ANKS1B: variants seen among roughly 807,000 people sequenced by gnomAD.
ANKS1B encodes ankyrin repeat and sterile alpha motif domain containing 1B.
In ANKS1B, 36 loss-of-function variants were observed where a neutral mutation model predicts 148.3. That is an observed-to-expected ratio of 0.24 (90% CI 0.19 to 0.32). ANKS1B has a LOEUF of 0.32. Ranked by LOEUF, ANKS1B falls within the 10% of genes least tolerant of loss-of-function variation. The pLI is 1.00. For synonymous variants in ANKS1B, 542 were observed against 560.8 expected (o/e 0.97, Z 0.47); for missense variants, 1,157 against 1,542.6 (o/e 0.75, Z 4.19).
chr12:99,702,270 T>C (rs570326931), intron 8 of ANKS1B, among the ~76,000 whole-genome samples: 91 of 152,304 alleles, frequency 6.0e-4, no homozygotes, highest in Non-Finnish European at 8.8e-4. Context: ...GCGGATTTAT[T>C]TGCATTTATC....
At chr12:99,059,085 G>T (rs1183896716) in intron 16 of ANKS1B, among the ~76,000 whole-genome samples, 1 of 152,110 alleles carries the variant, frequency 6.6e-6, no homozygotes, top group Non-Finnish European at 1.5e-5. Context: ...CCTCCTGTGT[G>T]AATCTTTCTC....
intron 1 of ANKS1B, among the ~76,000 whole-genome samples, chr12:99,840,756 T>C (rs1326771575): frequency 6.6e-6 from 1 of 152,168 alleles, no homozygotes; most frequent in African/African-American, 2.4e-5. Flanking sequence ...TTTTTAGGTA[T>C]AATAATCATG....
At chr12:99,550,821 G>C (rs191052706) in intron 9 of ANKS1B, among the ~76,000 whole-genome samples, 2 of 152,282 alleles carry the variant, frequency 1.3e-5, no homozygotes, top group East Asian at 3.9e-4. Flanking sequence ...TAAAGCTTCT[G>C]TAGATAAATG....
chr12:99,783,369 C>T (rs1326490246), intron 4 of ANKS1B, among the ~76,000 whole-genome samples: 1 of 152,138 alleles, frequency 6.6e-6, no homozygotes, highest in Non-Finnish European at 1.5e-5. Context: ...CATTGACTAT[C>T]TCATATACTG....
intron 1 of ANKS1B, among the ~76,000 whole-genome samples, chr12:99,885,457 T>C (rs1233273561): frequency 6.6e-6 from 1 of 151,884 alleles, no homozygotes; most frequent in East Asian, 1.9e-4. Context: ...CCTGCTACCA[T>C]GCCCAGCTAA....
chr12:98,945,288 G>C (rs924619644), intron 17 of ANKS1B, among the ~76,000 whole-genome samples: 2 of 152,010 alleles, frequency 1.3e-5, no homozygotes, highest in African/African-American at 4.8e-5. Flanking sequence ...TTGAGCTCAG[G>C]AGTTCGAGAC....
intron 1 of ANKS1B, among the ~76,000 whole-genome samples, chr12:99,867,284 C>A (rs970177753): frequency 1.7e-4 from 26 of 151,402 alleles, no homozygotes; most frequent in African/African-American, 6.4e-4. Context: ...GCCCCCATCC[C>A]CTCCCCATTG....
chr12:99,556,679 T>A, intron 9 of ANKS1B, among the ~76,000 whole-genome samples: 1 of 152,192 alleles, frequency 6.6e-6, no homozygotes, highest in East Asian at 1.9e-4. Context: ...TTTCCTGATT[T>A]ATGATTTAAT....
At chr12:99,921,094 G>C (rs1328503338) in intron 1 of ANKS1B, among the ~76,000 whole-genome samples, 2 of 152,096 alleles carry the variant, frequency 1.3e-5, no homozygotes, top group Non-Finnish European at 2.9e-5. Context: ...AAACTGACCA[G>C]GTGATATGGT....
intron 15 of ANKS1B, among the ~76,000 whole-genome samples, chr12:99,109,136 T>C (rs991008513): frequency 6.6e-5 from 10 of 152,276 alleles, no homozygotes; most frequent in African/African-American, 2.4e-4. Flanking sequence ...CACTGAGCTG[T>C]AGAATGTTCC....
intron 1 of ANKS1B, among the ~76,000 whole-genome samples, chr12:99,845,096 T>C (rs1318928923): frequency 1.3e-5 from 2 of 152,188 alleles, no homozygotes; most frequent in Admixed American, 1.3e-4. Flanking sequence ...ATCCTGAGAC[T>C]GCTGAAGTTA....
chr12:99,824,697 G>C (rs1413356035), intron 2 of ANKS1B, among the ~76,000 whole-genome samples: 1 of 151,956 alleles, frequency 6.6e-6, no homozygotes, highest in Non-Finnish European at 1.5e-5. Context: ...AGGATACCTA[G>C]CTAAAATACT....
intron 25 of ANKS1B, among the ~76,000 whole-genome samples, chr12:98,769,265 T>G (rs2098536717): frequency 6.7e-6 from 1 of 149,366 alleles, no homozygotes; most frequent in African/African-American, 2.5e-5. Context: ...GGACTGGTAT[T>G]GAACTGCCCT....
rs969813171 is a variant in ANKS1B, at chr12:99,602,115, C to T, written c.1272+52952G>A. Among the ~76,000 whole-genome samples, 23 of 151,984 alleles carry T rather than the reference C, an allele frequency of 1.5e-4. 1 individual carries two copies. Among genetic ancestry groups the T allele is most frequent in the African/African-American group, 7.2e-5 (3 of 41,414 alleles). On this transcript the variant is annotated intron_variant, in intron 9 of 26. Coordinates refer to ENST00000683438, the MANE Select transcript of ANKS1B (RefSeq NM_001352186.2). Reference sequence around the variant, plus strand: ...GCAGGAGAAGGTCAGAAAGATCTTGCTTCTGTGACCTTTTTCTTTAGTTCA... The same window carrying T: ...GCAGGAGAAGGTCAGAAAGATCTTGTTTCTGTGACCTTTTTCTTTAGTTCA...
At chr12:99,176,029 A>G (rs1189000861) in intron 14 of ANKS1B, among the ~76,000 whole-genome samples, 1 of 151,952 alleles carries the variant, frequency 6.6e-6, no homozygotes, top group African/African-American at 2.4e-5. Flanking sequence ...TTGTATTTTC[A>G]GTAGAGATGG....
intron 1 of ANKS1B, among the ~76,000 whole-genome samples, chr12:99,977,244 A>G (rs2095640318): frequency 2.0e-5 from 3 of 152,158 alleles, no homozygotes; most frequent in Non-Finnish European, 4.4e-5. Flanking sequence ...CCTGGGTTCA[A>G]GCAATTCTCC....
At chr12:99,923,438 A>G (rs2094412307) in intron 1 of ANKS1B, among the ~76,000 whole-genome samples, 1 of 152,222 alleles carries the variant, frequency 6.6e-6, no homozygotes, top group African/African-American at 2.4e-5. Context: ...TTTGGATGCC[A>G]GGCTTTTATA....
chr12:98,992,858 C>T (rs1199314987), intron 17 of ANKS1B, among the ~76,000 whole-genome samples: 1 of 152,186 alleles, frequency 6.6e-6, no homozygotes, highest in African/African-American at 2.4e-5. Context: ...AGAATGAAAG[C>T]TCCACGAGCA....
chr12:99,044,709 G>A (rs111451686), intron 17 of ANKS1B, among the ~76,000 whole-genome samples: 6 of 152,210 alleles, frequency 3.9e-5, no homozygotes, highest in African/African-American at 1.4e-4. Context: ...AGGGATCTGG[G>A]GAAGTACAAA....
Sources: allele counts gnomAD v4.1 joint callset (sites outside exome capture counted in the v4.1 genomes callset), GRCh38; gene constraint gnomAD v4.1.1; transcripts MANE v1.5; gene names NCBI Gene and HGNC (gene_info 2026-07-23, HGNC 2026-07-21).